The following SLC35D1 variants were observed in gnomAD, a reference collection of about 807,000 sequenced individuals.
SLC35D1 encodes nucleotide sugar transporter SLC35D1.
In SLC35D1, 31 loss-of-function variants were observed where a neutral mutation model predicts 46.7. The ratio of observed to expected loss-of-function variants is 0.66; its 90% confidence interval spans 0.50 to 0.90. The LOEUF is 0.90. SLC35D1 is among the 40% of genes least tolerant of loss of function. SLC35D1 has a pLI of 0.00. For synonymous variants in SLC35D1, 195 were observed against 164.6 expected, an observed-to-expected ratio of 1.18 and a Z score of -1.41; for missense variants, 397 against 426.2, an observed-to-expected ratio of 0.93 and a Z score of 0.60.
At chr1:67,042,591 G>A (rs112084587) in intron 7 of SLC35D1, among the ~76,000 whole-genome samples, 2 of 152,068 alleles carry the variant, frequency 1.3e-5, no homozygotes, top group African/African-American at 4.8e-5. Context: ...AAATAAAAAT[G>A]ACTACTGGCT....
At chr1:66,982,272 T>C in the SLC35D1 span, among the ~76,000 whole-genome samples, 6 of 152,326 alleles carry the variant, frequency 3.9e-5, no homozygotes, top group East Asian at 1.9e-4. Flanking sequence ...ACATGAGATA[T>C]ACAGATCATT....
At chr1:67,006,141 C>T (rs890067284) in intron 11 of SLC35D1, among the ~76,000 whole-genome samples, 3 of 152,136 alleles carry the variant, frequency 2.0e-5, no homozygotes, top group South Asian at 2.1e-4. Context: ...TGAGCCACCG[C>T]GCCTAGCATG....
chr1:66,981,867 A>G, the SLC35D1 span: 1 of 1,614,116 alleles, frequency 6.2e-7, no homozygotes, highest in Non-Finnish European at 8.5e-7. Flanking sequence ...AAACAGTAGT[A>G]ACAGCCAGTC....
At chr1:67,022,103 A>C (rs1667819185) in intron 8 of SLC35D1, among the ~76,000 whole-genome samples, 1 of 152,208 alleles carries the variant, frequency 6.6e-6, no homozygotes, top group African/African-American at 2.4e-5. Context: ...TACTGTTTTA[A>C]AACGGTTCAT....
downstream of SLC35D1, among the ~76,000 whole-genome samples, chr1:66,998,897 C>G (rs1459144281): frequency 6.6e-6 from 1 of 152,168 alleles, no homozygotes; most frequent in Non-Finnish European, 1.5e-5. Context: ...AGGAAATGTT[C>G]TGGAGATTGG....
At chr1:67,011,828 T>C (rs1667572243) in intron 10 of SLC35D1, among the ~76,000 whole-genome samples, 1 of 152,152 alleles carries the variant, frequency 6.6e-6, no homozygotes, top group African/African-American at 2.4e-5. Context: ...GAGAAAAAGA[T>C]TTGTGTGACA....
At chr1:67,027,927 T>C (rs996055082) in intron 8 of SLC35D1, among the ~76,000 whole-genome samples, 3 of 152,100 alleles carry the variant, frequency 2.0e-5, no homozygotes, top group African/African-American at 7.2e-5. Context: ...ACACGAGGTT[T>C]TGCCATGTTG....
At position 67,002,234 on chromosome 1, in the gene SLC35D1, A is replaced by C. The variant is rs1257077802; in HGVS notation, c.*2106T>G. ...CAGCCAGAAGTGCATTATCAACTAA[A>C]GTCAGCCTGGAAGTGGGATAAGGGT... On this transcript the variant is annotated 3_prime_UTR_variant, in exon 12 of 12. Transcript: ENST00000235345. 6.6e-6 allele frequency: 1 copy of C among 152,334 alleles called. No homozygotes were observed. The allele number at this position is 152,334 out of a possible 1,614,324, so 9.4% of individuals were successfully genotyped here. A position where few individuals can be genotyped will look rare whatever the true frequency, so the allele number is the denominator to read the frequency against.
At chr1:67,011,172 G>A (rs1667558389) in intron 10 of SLC35D1, among the ~76,000 whole-genome samples, 1 of 152,156 alleles carries the variant, frequency 6.6e-6, no homozygotes, top group South Asian at 2.1e-4. Flanking sequence ...ACTCCACTGG[G>A]GGTTTAGGTA....
At chr1:67,045,322 C>G (rs1010956723) in intron 7 of SLC35D1, among the ~76,000 whole-genome samples, 5 of 152,214 alleles carry the variant, frequency 3.3e-5, no homozygotes, top group Admixed American at 2.6e-4. Flanking sequence ...TACACTGTTA[C>G]GCATCATAAA....
the SLC35D1 span, chr1:66,986,496 A>G: frequency 4.6e-6 from 7 of 1,523,166 alleles, no homozygotes; most frequent in Non-Finnish European, 6.4e-6. Context: ...CTTGTTTTTA[A>G]TGGCTCAACT....
chr1:67,008,237 C>T (rs1265732166), intron 11 of SLC35D1: 1 of 296,260 alleles, frequency 3.4e-6, no homozygotes, highest in Non-Finnish European at 6.8e-6. Context: ...CTCCTGGGTT[C>T]AAGCGATTCT....
intron 1 of SLC35D1, among the ~76,000 whole-genome samples, chr1:67,053,466 C>A (rs1464182010): frequency 6.6e-6 from 1 of 152,158 alleles, no homozygotes; most frequent in Non-Finnish European, 1.5e-5. Context: ...CGCTCTCCTC[C>A]CTGATCGACA....
chr1:67,011,076 T>C (rs150141595), intron 10 of SLC35D1, among the ~76,000 whole-genome samples: 8 of 152,270 alleles, frequency 5.3e-5, no homozygotes, highest in Non-Finnish European at 7.4e-5. Flanking sequence ...TAGCCAAGCC[T>C]CCTCTTCTCT....
chr1:67,053,899 C>A lies in SLC35D1; in HGVS notation c.115G>T (p.Val39Leu). ...LGMASAETLT[V>L]FLKLLAAGFY... is the part of the protein sequence containing the mutation. ...CCGGCGGCCAGCAGCTTCAGAAACA[C>A]GGTCAGCGTTTCGGCCGACGCCATC... The change falls in exon 1 of 12, where the codon GTG becomes TTG. Residue 39 changes from valine to leucine, a missense_variant. Val to Leu is a conservative substitution (Grantham distance 32, BLOSUM62 1). Transcript: ENST00000235345. 6.2e-7 allele frequency: 1 copy of A among 1,613,822 alleles called. No individual in the cohort carries two copies. Among genetic ancestry groups the A allele is most frequent in the Non-Finnish European group, 8.5e-7 (1 of 1,179,768 alleles).
At chr1:67,036,494 C>CATA (rs1220116537) in intron 8 of SLC35D1, among the ~76,000 whole-genome samples, 3 of 152,024 alleles carry the variant, frequency 2.0e-5, no homozygotes. Flanking sequence ...ACTGTTATAT[C>CATA]CTCTTGCTCA....
intron 8 of SLC35D1, among the ~76,000 whole-genome samples, chr1:67,030,083 A>G (rs1488722075): frequency 6.6e-6 from 1 of 152,096 alleles, no homozygotes; most frequent in East Asian, 1.9e-4. Context: ...AAGGTTACGC[A>G]TACCCTGCAA....
chr1:66,985,183 T>TTAGTAAATTAGTA, the SLC35D1 span: 13 of 965,954 alleles, frequency 1.3e-5, no homozygotes, highest in Non-Finnish European at 1.6e-5. Context: ...TCAGATTTAC[T>TTAGTAAATTAGTA]AATTTTGGTA....
chr1:67,037,663 TTC>T (rs1668151502), intron 8 of SLC35D1, among the ~76,000 whole-genome samples: 2 of 152,330 alleles, frequency 1.3e-5, no homozygotes, highest in South Asian at 2.1e-4. Context: ...CATTCCCCAT[TTC>T]TGAATCATCA....
Sources: gnomAD v4.1 joint callset for allele counts (sites outside exome capture counted in the v4.1 genomes callset) on GRCh38, gnomAD v4.1.1 for gene constraint, MANE v1.5 for transcripts, NCBI Gene and HGNC (gene_info 2026-07-23, HGNC 2026-07-21) for gene names.